ARHGAP42: variants seen among roughly 807,000 people sequenced by gnomAD.
ARHGAP42 encodes the protein Rho GTPase activating protein 42.
A neutral mutation model predicts 125.0 loss-of-function variants in ARHGAP42; 63 were observed. The observed-to-expected ratio is 0.50, with a 90% CI of 0.41 to 0.62. The LOEUF is 0.62. Among genes scored for constraint, ARHGAP42 ranks in the 20% least tolerant of loss-of-function variants. The probability of loss-of-function intolerance (pLI) is 0.00; values close to 1 mark genes in which losing one functional copy is unlikely to be tolerated. For missense variants in ARHGAP42, 766 were observed against 1,024.2 expected (o/e 0.75, Z 3.44); for synonymous variants, 339 against 351.0 (o/e 0.97, Z 0.38).
intron 1 of ARHGAP42, among the ~76,000 whole-genome samples, chr11:100,725,175 C>CTT (rs556524299): frequency 7.1e-6 from 1 of 141,666 alleles, no homozygotes; most frequent in Non-Finnish European, 1.5e-5. Context: ...AATATTTTTC[C>CTT]TTTTTTTTTT....
At chr11:100,909,684 C>A (rs1866857484) in intron 4 of ARHGAP42, among the ~76,000 whole-genome samples, 2 of 152,106 alleles carry the variant, frequency 1.3e-5, no homozygotes. Context: ...TTTAACCCAT[C>A]TTGAGTTAAT....
chr11:100,791,272 G>T (rs1230049986), intron 2 of ARHGAP42, among the ~76,000 whole-genome samples: 1 of 152,112 alleles, frequency 6.6e-6, no homozygotes, highest in Non-Finnish European at 1.5e-5. Context: ...TTGTGGATGG[G>T]CCAGGCAGGG....
At chr11:100,863,037 C>CA (rs71053151) in intron 4 of ARHGAP42, among the ~76,000 whole-genome samples, 23,154 of 112,238 alleles carry the variant, frequency 0.21, 2,332 homozygotes, top group Non-Finnish European at 0.24. Context: ...AACTCCGTCT[C>CA]AAAAAAAAAA....
chr11:100,826,975 G>A (rs1323760768), intron 3 of ARHGAP42, among the ~76,000 whole-genome samples: 2 of 151,056 alleles, frequency 1.3e-5, no homozygotes, highest in African/African-American at 4.9e-5. Flanking sequence ...GGGTTTTTTG[G>A]GTGAATTTTG....
intron 5 of ARHGAP42, among the ~76,000 whole-genome samples, chr11:100,921,245 A>ATTT (rs869131567): frequency 2.7e-5 from 1 of 36,740 alleles, no homozygotes; most frequent in African/African-American, 1.0e-4. Context: ...ATATATATAT[A>ATTT]TTTTTTTTTT....
chr11:100,954,257 G>A (rs1371911958), intron 12 of ARHGAP42, among the ~76,000 whole-genome samples: 1 of 152,152 alleles, frequency 6.6e-6, no homozygotes, highest in Non-Finnish European at 1.5e-5. Flanking sequence ...ATTCTCTCAT[G>A]CAGTCAGTTC....
chr11:100,796,349 A>G (rs954605445), intron 3 of ARHGAP42, among the ~76,000 whole-genome samples: 1 of 152,228 alleles, frequency 6.6e-6, no homozygotes, highest in Non-Finnish European at 1.5e-5. Context: ...CCATTCACCC[A>G]TCTCTCTTCC....
intron 1 of ARHGAP42, among the ~76,000 whole-genome samples, chr11:100,708,237 C>T (rs982637498): frequency 5.9e-5 from 9 of 152,106 alleles, no homozygotes; most frequent in South Asian, 2.1e-4. Flanking sequence ...TTGGTCTGGG[C>T]GTGGTGGCTC....
At chr11:100,771,801 C>T (rs1279996928) in intron 2 of ARHGAP42, among the ~76,000 whole-genome samples, 8 of 152,192 alleles carry the variant, frequency 5.3e-5, no homozygotes, top group Non-Finnish European at 2.9e-5. Flanking sequence ...CGGGGTTTCA[C>T]TATGTTGGCC....
rs1591219609 is a variant in ARHGAP42, at chr11:100,832,645, A to C, written c.313-26909A>C. Among the ~76,000 whole-genome samples, 3 of 152,286 alleles carry C rather than the reference A, an allele frequency of 2.0e-5. No homozygotes were observed. In the East Asian group the frequency reaches 5.8e-4, roughly 29 times the overall value. On this transcript the variant is annotated intron_variant, in intron 3 of 23. Transcript: ENST00000298815. The stretch of plus-strand genomic sequence containing the variant: ...CCAAAATGTCAGACAAACTTACAGA[A>C]CATTGAAGCTAAACTCTTCAGTTTA...
intron 1 of ARHGAP42, among the ~76,000 whole-genome samples, chr11:100,718,430 A>G (rs1861702605): frequency 6.6e-6 from 1 of 152,220 alleles, no homozygotes; most frequent in Admixed American, 6.5e-5. Flanking sequence ...TGTTCTATTA[A>G]GAATATTTCA....
At chr11:100,715,756 CCT>C (rs556889106) in intron 1 of ARHGAP42, among the ~76,000 whole-genome samples, 14 of 152,148 alleles carry the variant, frequency 9.2e-5, no homozygotes, top group Non-Finnish European at 1.3e-4. Context: ...GTGGTAATCC[CCT>C]CTCAGGGATT....
At chr11:100,969,599 T>G (rs953973514) in intron 17 of ARHGAP42, among the ~76,000 whole-genome samples, 2 of 152,176 alleles carry the variant, frequency 1.3e-5, no homozygotes, top group African/African-American at 4.8e-5. Context: ...ACTTTTCATT[T>G]CAGCTATTGT....
rs185210390 is a variant in ARHGAP42 at position 100,903,098 on chromosome 11, A to G, written c.385-10354A>G. On this transcript the variant is annotated intron_variant, in intron 4 of 23. Transcript: ENST00000298815. ...TTGTCTCACATCTCTTTATTCCTCA[A>G]TCTTGCTGTCCAAGATGCGCACACA... is the stretch of plus-strand genomic sequence containing the variant. Among the ~76,000 whole-genome samples, 5 of 96,822 alleles carry G rather than the reference A, an allele frequency of 5.2e-5. No homozygotes were observed. In the East Asian group the frequency reaches 1.5e-3, roughly 28 times the overall value. 63.5% of individuals were successfully genotyped at this position (96,822 alleles called of 152,430 possible).
chr11:100,907,641 C>T (rs559923450), intron 4 of ARHGAP42, among the ~76,000 whole-genome samples: 5 of 152,100 alleles, frequency 3.3e-5, no homozygotes, highest in Non-Finnish European at 7.4e-5. Flanking sequence ...TGCCAAGATC[C>T]CTTGGGCTCC....
chr11:100,780,584 G>A (rs1863285099), intron 2 of ARHGAP42, among the ~76,000 whole-genome samples: 1 of 152,186 alleles, frequency 6.6e-6, no homozygotes, highest in Admixed American at 6.5e-5. Flanking sequence ...AATACGATAG[G>A]TTTTTTGCTC....
intron 12 of ARHGAP42, among the ~76,000 whole-genome samples, chr11:100,954,372 G>A (rs1474973343): frequency 6.6e-6 from 1 of 152,140 alleles, no homozygotes; most frequent in African/African-American, 2.4e-5. Flanking sequence ...ATTTATGTGT[G>A]TAATGACAAA....
intron 4 of ARHGAP42, among the ~76,000 whole-genome samples, chr11:100,886,708 G>C (rs1393137565): frequency 2.0e-5 from 3 of 152,140 alleles, no homozygotes; most frequent in African/African-American, 7.2e-5. Context: ...CTGTTCATCA[G>C]TGCATCTCTC....
At chr11:100,941,980 A>G (rs1000989391) in intron 9 of ARHGAP42, 96 bp downstream of exon 9, 9 of 926,310 alleles carry the variant, frequency 9.7e-6, no homozygotes, top group Admixed American at 3.1e-5. Context: ...TCTAGTTAAC[A>G]TGTACACATT....
Sources: gnomAD v4.1 joint callset for allele counts (sites outside exome capture counted in the v4.1 genomes callset) on GRCh38, gnomAD v4.1.1 for gene constraint, MANE v1.5 for transcripts, NCBI Gene and HGNC (gene_info 2026-07-23, HGNC 2026-07-21) for gene names.